Variants in PTPN3 observed in about 807,000 individuals in gnomAD.
PTPN3 encodes protein tyrosine phosphatase non-receptor type 3, also known as tyrosine-protein phosphatase non-receptor type 3.
A neutral mutation model predicts 132.7 loss-of-function variants in PTPN3; 96 were observed. That is an observed-to-expected ratio of 0.72 (90% CI 0.61 to 0.86). The LOEUF is 0.86. PTPN3 is among the 40% of genes least tolerant of loss of function. The pLI is 0.00. For synonymous variants in PTPN3, 398 were observed against 429.0 expected (o/e 0.93, Z 0.89); for missense variants, 1,125 against 1,159.6 (o/e 0.97, Z 0.43).
the PTPN3 span, among the ~76,000 whole-genome samples, chr9:109,535,820 A>C: frequency 4.6e-5 from 7 of 152,324 alleles, no homozygotes; most frequent in African/African-American, 1.7e-4. Context: ...CATTCTCTTT[A>C]GAGCCTTCTG....
upstream of PTPN3, among the ~76,000 whole-genome samples, chr9:109,500,027 C>G (rs1053516521): frequency 1.3e-5 from 2 of 152,254 alleles, no homozygotes; most frequent in Admixed American, 1.3e-4. Context: ...GAGCTCCACC[C>G]AGCGCCCCCG....
chr9:109,375,764 G>A lies in PTPN3; in HGVS notation c.*3792C>T, dbSNP rs1035272011. The A allele has an allele frequency of 5.3e-5, 8 of 152,166 alleles. No individual in the cohort carries two copies. Among genetic ancestry groups the A allele is most frequent in the Admixed American group, 3.9e-4 (6 of 15,282 alleles). The allele number at this position is 152,166 out of a possible 1,614,324, so 9.4% of individuals were successfully genotyped here. ...TTCAGTAGAATCACTGACAGAACAG[G>A]TCAGAATGAAAAACATTCCAAATAT... is the stretch of plus-strand genomic sequence containing the variant. On this transcript the variant is annotated 3_prime_UTR_variant, in exon 26 of 26. Coordinates refer to ENST00000374541, the MANE Select transcript of PTPN3 (RefSeq NM_002829.4).
intron 1 of PTPN3, among the ~76,000 whole-genome samples, chr9:109,484,500 A>G (rs1000379263): frequency 3.9e-5 from 6 of 152,222 alleles, no homozygotes; most frequent in African/African-American, 1.4e-4. Context: ...GGACATCTGA[A>G]TCTGAAGTGA....
chr9:109,448,868 T>C lies in PTPN3; in HGVS notation c.369-13A>G. The C allele has an allele frequency of 6.3e-7, 1 of 1,586,330 alleles. No individual in the cohort carries two copies. The highest frequency in any genetic ancestry group is 1.2e-5 in the South Asian group (1 of 85,610). On this transcript the variant is annotated splice_polypyrimidine_tract_variant and intron_variant, in intron 5 of 25. Transcript: ENST00000374541. ...GAAATACAAGTGCCTATGAAACAAT[T>C]GTTTTCATTAATTCATACTCAAACT...
intron 18 of PTPN3, among the ~76,000 whole-genome samples, chr9:109,405,180 A>G (rs1841460863): frequency 6.6e-6 from 1 of 152,172 alleles, no homozygotes; most frequent in Admixed American, 6.5e-5. Context: ...TTTTCCCTTC[A>G]TGTTAAATTC....
At chr9:109,488,320 G>A (rs905708906) in intron 1 of PTPN3, among the ~76,000 whole-genome samples, 3 of 151,842 alleles carry the variant, frequency 2.0e-5, no homozygotes, top group East Asian at 1.9e-4. Context: ...GTCTGGTCTC[G>A]AACTCCTGAC....
At position 109,383,653 on chromosome 9, in the gene PTPN3, C is replaced by A. The variant is rs113796046; in HGVS notation, c.2254-102G>T. 1,981 of 1,460,644 alleles carry A rather than the reference C, an allele frequency of 1.4e-3. 19 individuals carry two copies. The African/African-American group carries it at 0.023, about 17-fold the overall frequency. 90.5% of individuals were successfully genotyped at this position (1,460,644 alleles called of 1,614,324 possible). On this transcript the variant is annotated intron_variant, in intron 22 of 25. Coordinates refer to ENST00000374541, the MANE Select transcript of PTPN3 (RefSeq NM_002829.4). ...CGGGTTAGGCATCCTCTCATGCACA[C>A]CCGAGAGCACTGATGGGAGAAAACA...
intron 14 of PTPN3, 119 bp from the exon 15 acceptor site, chr9:109,410,534 C>T (rs1410181463): frequency 4.4e-5 from 50 of 1,124,334 alleles, no homozygotes; most frequent in Non-Finnish European, 6.2e-5. Context: ...ACCTCAGCTG[C>T]ATAGGTTGTC....
At chr9:109,498,365 C>G (rs1040776285), upstream of PTPN3, 2 of 146,610 alleles carry the variant, frequency 1.4e-5, no homozygotes, top group African/African-American at 2.4e-5. The surrounding 1 kb of genome is among the most constrained non-coding windows in gnomAD (Gnocchi z 4.2). Flanking sequence ...CCGCGACGGG[C>G]CCGCGCGCCG....
the PTPN3 span, among the ~76,000 whole-genome samples, chr9:109,529,585 T>G: frequency 6.6e-6 from 1 of 152,240 alleles, no homozygotes; most frequent in Non-Finnish European, 1.5e-5. Context: ...CCTCATCATT[T>G]CTGGTGGGTT....
At chr9:109,515,116 G>A in the PTPN3 span, among the ~76,000 whole-genome samples, 4 of 151,974 alleles carry the variant, frequency 2.6e-5, no homozygotes, top group Admixed American at 1.3e-4. Context: ...TCAACCTTCC[G>A]GGGCCAAGCT....
At chr9:109,426,241 TTTA>T (rs970140271) in intron 12 of PTPN3, among the ~76,000 whole-genome samples, 1 of 149,112 alleles carries the variant, frequency 6.7e-6, no homozygotes, top group African/African-American at 2.4e-5. Context: ...TGTACATCAT[TTTA>T]TTTAGAGAAT....
At chr9:109,492,993 C>T (rs1295595137) in intron 1 of PTPN3, among the ~76,000 whole-genome samples, 1 of 152,172 alleles carries the variant, frequency 6.6e-6, no homozygotes, top group East Asian at 1.9e-4. Context: ...TATAGATTTC[C>T]CAAATTATTA....
intron 2 of PTPN3, among the ~76,000 whole-genome samples, chr9:109,459,386 A>G (rs1160508726): frequency 6.6e-6 from 1 of 152,210 alleles, no homozygotes; most frequent in African/African-American, 2.4e-5. Context: ...AGAAAGACAC[A>G]AAGTGAGGGA....
intron 1 of PTPN3, among the ~76,000 whole-genome samples, chr9:109,476,115 C>G (rs1222131199): frequency 6.6e-6 from 1 of 152,090 alleles, no homozygotes; most frequent in Admixed American, 6.6e-5. Flanking sequence ...GGTTTTAATC[C>G]AGGGGGCCAT....
chr9:109,388,527 C>A, intron 22 of PTPN3, among the ~76,000 whole-genome samples: 1 of 152,060 alleles, frequency 6.6e-6, no homozygotes, highest in South Asian at 2.1e-4. Flanking sequence ...TGGACATCAA[C>A]AAAAAAGAGG....
chr9:109,440,679 A>T (rs900601233), intron 7 of PTPN3, among the ~76,000 whole-genome samples: 2 of 152,224 alleles, frequency 1.3e-5, no homozygotes, highest in Non-Finnish European at 2.9e-5. Context: ...TGGTTTCATT[A>T]GCTCATGGAG....
chr9:109,435,774 TTCTA>T (rs1279572018), intron 9 of PTPN3, among the ~76,000 whole-genome samples: 10 of 152,186 alleles, frequency 6.6e-5, no homozygotes, highest in East Asian at 3.8e-4. Flanking sequence ...CTCTGAAACA[TTCTA>T]TCTAAGATAA....
chr9:109,432,763 G>C (rs1438479022), intron 10 of PTPN3, among the ~76,000 whole-genome samples: 1 of 152,184 alleles, frequency 6.6e-6, no homozygotes, highest in African/African-American at 2.4e-5. Context: ...GCTCTTCTCT[G>C]AATTCTGACC....
Sources: allele counts gnomAD v4.1 joint callset (sites outside exome capture counted in the v4.1 genomes callset), GRCh38; gene constraint gnomAD v4.1.1; non-coding constraint Gnocchi (gnomAD v3.1); transcripts MANE v1.5; gene names NCBI Gene and HGNC (gene_info 2026-07-23, HGNC 2026-07-21).